SESN1: variants seen among roughly 807,000 people sequenced by gnomAD.
SESN1 encodes sestrin-1.
Under a neutral mutation model 59.3 loss-of-function variants are expected in SESN1, and 30 were observed. That is an observed-to-expected ratio of 0.51 (90% CI 0.38 to 0.69). SESN1 has a LOEUF of 0.69. Among genes scored for constraint, SESN1 ranks in the 30% least tolerant of loss-of-function variants. SESN1 has a pLI of 0.00. For synonymous variants in SESN1, 197 were observed against 219.9 expected (o/e 0.90, Z 0.92); for missense variants, 566 against 673.0 (o/e 0.84, Z 1.76).
chr6:108,989,559 C>A (rs563018202), intron 8 of SESN1, among the ~76,000 whole-genome samples: 25 of 103,260 alleles, frequency 2.4e-4, no homozygotes, highest in African/African-American at 3.6e-4. Context: ...AGATCTAGAT[C>A]TCTAGATCTA....
At chr6:109,019,212 CACAG>C (rs1026903098) in intron 1 of SESN1, among the ~76,000 whole-genome samples, 10 of 152,158 alleles carry the variant, frequency 6.6e-5, no homozygotes, top group African/African-American at 2.4e-4. Flanking sequence ...CAAACACACA[CACAG>C]ACACACACCC....
intron 1 of SESN1, among the ~76,000 whole-genome samples, chr6:109,083,852 A>C (rs1179842884): frequency 6.6e-6 from 1 of 152,234 alleles, no homozygotes; most frequent in Non-Finnish European, 1.5e-5. Flanking sequence ...TGTTTAGGCT[A>C]TGAATAGCAT....
chr6:109,054,154 G>A (rs115957261), intron 1 of SESN1, among the ~76,000 whole-genome samples: 3 of 151,720 alleles, frequency 2.0e-5, no homozygotes, highest in Non-Finnish European at 4.4e-5. Flanking sequence ...ATTTTCTGCC[G>A]ATTATTCATA....
chr6:109,087,744 C>T (rs997367683), intron 1 of SESN1, among the ~76,000 whole-genome samples: 9 of 152,150 alleles, frequency 5.9e-5, no homozygotes, highest in Admixed American at 1.3e-4. Context: ...ACCAAATCTG[C>T]TTCTAGAATG....
chr6:109,045,720 C>T (rs1288195763), intron 1 of SESN1, among the ~76,000 whole-genome samples: 1 of 152,192 alleles, frequency 6.6e-6, no homozygotes, highest in Non-Finnish European at 1.5e-5. Flanking sequence ...CATCCAAAGC[C>T]TTTGCAGAAT....
intron 1 of SESN1, among the ~76,000 whole-genome samples, chr6:109,052,971 G>A (rs528895419): frequency 1.4e-4 from 21 of 152,126 alleles, no homozygotes; most frequent in Non-Finnish European, 2.1e-4. Flanking sequence ...GTAATTGAAA[G>A]TTGTAAATGT....
intron 1 of SESN1, among the ~76,000 whole-genome samples, chr6:109,073,502 A>G (rs1455141011): frequency 6.6e-6 from 1 of 152,184 alleles, no homozygotes; most frequent in African/African-American, 2.4e-5. Context: ...GTCTTCTCCT[A>G]AGACCCACAG....
Position 109,081,015 on chromosome 6 carries a change from T to C in SESN1, c.279+12780A>G, listed in dbSNP as rs757552256. 5.6e-4 allele frequency among the ~76,000 whole-genome samples: 85 copies of C among 152,178 alleles called. 1 individual carries two copies. The highest frequency in any genetic ancestry group is 3.2e-4 in the Non-Finnish European group (22 of 68,008). ...GGGTTACATCCCGAAGATATCTCAT[T>C]ATACATATGCAAATATTCCAAAATC... On this transcript the variant is annotated intron_variant, in intron 1 of 9. Transcript: ENST00000436639.
chr6:109,018,671 A>C (rs905492224), intron 1 of SESN1, among the ~76,000 whole-genome samples: 5 of 152,226 alleles, frequency 3.3e-5, no homozygotes, highest in Admixed American at 6.5e-5. Flanking sequence ...AAAGAATGCA[A>C]GTAGTTGTTT....
Position 108,985,341 on chromosome 6 carries a change from G to C in SESN1, c.*2203C>G, listed in dbSNP as rs1281202291. Among the ~76,000 whole-genome samples the C allele has an allele frequency of 6.6e-6, 1 of 152,030 alleles. No individual in the cohort carries two copies. The highest frequency in any genetic ancestry group is 1.5e-5 in the Non-Finnish European group (1 of 67,984). On this transcript the variant is annotated 3_prime_UTR_variant, in exon 10 of 10. Coordinates refer to ENST00000436639, the MANE Select transcript of SESN1 (RefSeq NM_014454.3). ...GACCCTCAACCAGAAATCTTCTCATGATTATTTTAGAAGAAAATTTTCCTC... is the reference window on the plus strand; with the variant it reads ...GACCCTCAACCAGAAATCTTCTCATCATTATTTTAGAAGAAAATTTTCCTC...
At chr6:109,043,712 G>C (rs1374341256) in intron 1 of SESN1, among the ~76,000 whole-genome samples, 1 of 152,126 alleles carries the variant, frequency 6.6e-6, no homozygotes, top group East Asian at 1.9e-4. Context: ...ATCCAAATAA[G>C]TGGAGAAATA....
intron 1 of SESN1, chr6:109,009,505 G>A: frequency 2.5e-6 from 3 of 1,208,392 alleles, no homozygotes; most frequent in Non-Finnish European, 3.1e-6. Flanking sequence ...GGCGAGCGCT[G>A]GGCAGCCGGC....
intron 1 of SESN1, among the ~76,000 whole-genome samples, chr6:109,084,064 CAT>C (rs1781168248): frequency 6.6e-6 from 1 of 152,072 alleles, no homozygotes; most frequent in African/African-American, 2.4e-5. Context: ...TTATCCTACC[CAT>C]ATGTTTAATT....
chr6:109,070,319 T>A (rs1274577950), intron 1 of SESN1, among the ~76,000 whole-genome samples: 1 of 152,144 alleles, frequency 6.6e-6, no homozygotes, highest in Non-Finnish European at 1.5e-5. Context: ...ACCGTAGGAA[T>A]CTCTACTCAA....
At chr6:109,075,284 A>C (rs572316453) in intron 1 of SESN1, among the ~76,000 whole-genome samples, 1 of 152,276 alleles carries the variant, frequency 6.6e-6, no homozygotes, top group East Asian at 1.9e-4. Flanking sequence ...TGGCTTTTAA[A>C]ATGGTTCCTA....
At chr6:109,007,851 G>C (rs930932272) in intron 1 of SESN1, among the ~76,000 whole-genome samples, 2 of 135,224 alleles carry the variant, frequency 1.5e-5, no homozygotes, top group Non-Finnish European at 3.1e-5. Flanking sequence ...CTGACTTTAA[G>C]TTACTGCATT....
At chr6:109,044,887 G>A (rs1718624508) in intron 1 of SESN1, among the ~76,000 whole-genome samples, 1 of 152,126 alleles carries the variant, frequency 6.6e-6, no homozygotes, top group African/African-American at 2.4e-5. Flanking sequence ...GCTGAGCGTG[G>A]TGGCGCATGC....
intron 1 of SESN1, among the ~76,000 whole-genome samples, chr6:109,090,185 C>T (rs1781288464): frequency 6.6e-6 from 1 of 152,158 alleles, no homozygotes; most frequent in Non-Finnish European, 1.5e-5. Context: ...GAACCATAAG[C>T]ATAATGCTCA....
At chr6:109,025,677 TATA>T (rs1217540460) in intron 1 of SESN1, among the ~76,000 whole-genome samples, 11 of 151,980 alleles carry the variant, frequency 7.2e-5, no homozygotes, top group African/African-American at 2.4e-4. Flanking sequence ...AAATAGTTTT[TATA>T]ATAATTAAAA....
Sources: gnomAD v4.1 joint callset for allele counts (sites outside exome capture counted in the v4.1 genomes callset) on GRCh38, gnomAD v4.1.1 for gene constraint, MANE v1.5 for transcripts, NCBI Gene and HGNC (gene_info 2026-07-23, HGNC 2026-07-21) for gene names.